PCDH9: variants seen among roughly 807,000 people sequenced by gnomAD.
PCDH9 encodes the protein protocadherin 9, also known as protocadherin-9.
PCDH9 carries 24 observed loss-of-function variants against 70.6 expected under a neutral mutation model. The ratio of observed to expected loss-of-function variants is 0.34; its 90% CI spans 0.25 to 0.48. PCDH9 has a LOEUF of 0.48. PCDH9 is among the 20% of genes least tolerant of loss of function. The probability of loss-of-function intolerance (pLI) is 0.99; values close to 1 mark genes in which losing one functional copy is unlikely to be tolerated. For synonymous variants in PCDH9, 562 were observed against 558.5 expected (o/e 1.01, Z -0.09); for missense variants, 1,281 against 1,503.6 (o/e 0.85, Z 2.45).
intron 2 of PCDH9, among the ~76,000 whole-genome samples, chr13:66,929,741 G>A (rs1442129514): frequency 2.0e-5 from 3 of 152,140 alleles, no homozygotes; most frequent in Non-Finnish European, 4.4e-5. Context: ...TTACTGCATT[G>A]CATATTTTAA....
chr13:66,918,431 T>C (rs2082590125), intron 2 of PCDH9, among the ~76,000 whole-genome samples: 1 of 151,332 alleles, frequency 6.6e-6, no homozygotes, highest in Non-Finnish European at 1.5e-5. Context: ...ACATTATACA[T>C]TATTAAGACT....
chr13:66,339,053 T>G (rs1956083532), intron 4 of PCDH9, among the ~76,000 whole-genome samples: 3 of 152,048 alleles, frequency 2.0e-5, no homozygotes. Flanking sequence ...ATGCACATCC[T>G]TTAGTTTCAG....
chr13:67,163,404 A>G (rs188622504), intron 2 of PCDH9, among the ~76,000 whole-genome samples: 32 of 152,358 alleles, frequency 2.1e-4, no homozygotes, highest in South Asian at 1.0e-3. Flanking sequence ...TGTCAAACAA[A>G]GTTATTAAAA....
chr13:66,911,035 C>T (rs1447884811), intron 2 of PCDH9, among the ~76,000 whole-genome samples: 2 of 152,158 alleles, frequency 1.3e-5, no homozygotes, highest in Admixed American at 6.5e-5. Flanking sequence ...TTGGAGAAAG[C>T]TCTGTTAGGC....
At chr13:67,073,945 A>G (rs1010501908) in intron 2 of PCDH9, among the ~76,000 whole-genome samples, 20 of 152,038 alleles carry the variant, frequency 1.3e-4, no homozygotes, top group African/African-American at 4.8e-4. Flanking sequence ...TGGGGCCTTA[A>G]CCTGGATTTC....
At chr13:67,037,134 T>G (rs1265424389) in intron 2 of PCDH9, among the ~76,000 whole-genome samples, 1 of 152,196 alleles carries the variant, frequency 6.6e-6, no homozygotes, top group Non-Finnish European at 1.5e-5. Context: ...CACGAAATCC[T>G]ACACTATTTT....
intron 4 of PCDH9, among the ~76,000 whole-genome samples, chr13:66,568,871 G>A (rs2076691471): frequency 6.6e-6 from 1 of 151,668 alleles, no homozygotes; most frequent in Non-Finnish European, 1.5e-5. Context: ...TGGAGGGGTG[G>A]GTTTCTAAAC....
intron 2 of PCDH9, among the ~76,000 whole-genome samples, chr13:66,987,660 TG>T (rs1450543339): frequency 6.6e-6 from 1 of 151,624 alleles, no homozygotes; most frequent in Non-Finnish European, 1.5e-5. Context: ...AAAACTGTGA[TG>T]GTACAGCTTC....
chr13:66,836,802 G>A (rs1036475505), intron 3 of PCDH9, among the ~76,000 whole-genome samples: 3 of 151,950 alleles, frequency 2.0e-5, no homozygotes, highest in Admixed American at 6.6e-5. Flanking sequence ...TAAAATCCTC[G>A]GTCAGATTTT....
chr13:66,449,650 A>G (rs185646476), intron 4 of PCDH9, among the ~76,000 whole-genome samples: 1 of 152,346 alleles, frequency 6.6e-6, no homozygotes, highest in East Asian at 1.9e-4. Context: ...ATAAATGCAT[A>G]CATAAGATCA....
chr13:66,510,607 G>A (rs1188812622), intron 4 of PCDH9, among the ~76,000 whole-genome samples: 2 of 152,032 alleles, frequency 1.3e-5, no homozygotes, highest in Non-Finnish European at 2.9e-5. Context: ...GAGAACATGC[G>A]GTGTTTGGTT....
At chr13:66,565,942 C>A (rs993152198) in intron 4 of PCDH9, among the ~76,000 whole-genome samples, 1 of 152,060 alleles carries the variant, frequency 6.6e-6, no homozygotes, top group Non-Finnish European at 1.5e-5. Context: ...ACAAGAGAAG[C>A]CTTACCCTAC....
intron 3 of PCDH9, among the ~76,000 whole-genome samples, chr13:66,900,193 G>C (rs1832788862): frequency 6.6e-6 from 1 of 151,834 alleles, no homozygotes; most frequent in Admixed American, 6.6e-5. Flanking sequence ...AAGCCATGTG[G>C]CTGTGGCTAT....
chr13:67,064,467 T>C (rs942529901), intron 2 of PCDH9, among the ~76,000 whole-genome samples: 3 of 152,192 alleles, frequency 2.0e-5, no homozygotes, highest in Non-Finnish European at 4.4e-5. Flanking sequence ...AAGGAATAAC[T>C]ATTTTTAAAA....
At position 66,490,951 on chromosome 13, in the gene PCDH9, T is replaced by C. The variant is rs78759582; in HGVS notation, c.3340+140259A>G. ...CTATGCTGTTGAGAATGACAGCTTG[T>C]CTTAAGTTAGTCTACCAATTCTTTT... On this transcript the variant is annotated intron_variant, in intron 4 of 4. Coordinates refer to ENST00000377865, the MANE Select transcript of PCDH9 (RefSeq NM_203487.3). Among the ~76,000 whole-genome samples the C allele has an allele frequency of 6.9e-3, 1,055 of 152,338 alleles. 35 individuals carry two copies. The East Asian group carries it at 0.092, about 13-fold the overall frequency.
chr13:66,872,913 T>A (rs1017443776), intron 3 of PCDH9, among the ~76,000 whole-genome samples: 1 of 152,146 alleles, frequency 6.6e-6, no homozygotes, highest in African/African-American at 2.4e-5. Flanking sequence ...GATGGCAACA[T>A]ACACACTGAT....
intron 4 of PCDH9, among the ~76,000 whole-genome samples, chr13:66,622,237 G>C: frequency 6.6e-6 from 1 of 152,190 alleles, no homozygotes; most frequent in East Asian, 1.9e-4. Flanking sequence ...CCCCCGCTCC[G>C]TGGGCTCCTG....
chr13:66,509,135 C>T (rs1959338562), intron 4 of PCDH9, among the ~76,000 whole-genome samples: 1 of 152,170 alleles, frequency 6.6e-6, no homozygotes, highest in South Asian at 2.1e-4. Flanking sequence ...TTCCCCTCAG[C>T]CCAACTACAC....
At chr13:66,693,983 T>C (rs1028329275) in intron 3 of PCDH9, among the ~76,000 whole-genome samples, 1 of 152,178 alleles carries the variant, frequency 6.6e-6, no homozygotes, top group Non-Finnish European at 1.5e-5. Context: ...GAAGGTGAAA[T>C]GTGCAGGGCA....
Sources: gnomAD v4.1 joint callset for allele counts (sites outside exome capture counted in the v4.1 genomes callset) on GRCh38, gnomAD v4.1.1 for gene constraint, MANE v1.5 for transcripts, NCBI Gene and HGNC (gene_info 2026-07-23, HGNC 2026-07-21) for gene names.